The following USHBP1 variants were observed in gnomAD, a reference collection of about 807,000 sequenced individuals.
The protein encoded by USHBP1 is harmonin-binding protein USHBP1.
A neutral mutation model predicts 76.2 loss-of-function variants in USHBP1; 67 were observed. The ratio of observed to expected loss-of-function variants is 0.88; its 90% CI spans 0.72 to 1.08. USHBP1 has a LOEUF of 1.08. USHBP1 is among the 50% of genes least tolerant of loss of function. The pLI is 0.00. For missense variants in USHBP1, 931 were observed against 915.0 expected (o/e 1.02, Z -0.23); for synonymous variants, 322 against 362.2 (o/e 0.89, Z 1.26).
Position 17,263,886 on chromosome 19 carries a change from T to C in USHBP1, c.203+116A>G, listed in dbSNP as rs1012867104. On this transcript the variant is annotated intron_variant, in intron 3 of 12. Transcript: ENST00000252597. ...ACTCAAAAAAAAAAGAAAGTCAGGC[T>C]GAAGGCAATAGGGAGCTATGGTAGG... 22 of 1,345,750 alleles carry C rather than the reference T, an allele frequency of 1.6e-5. No homozygotes were observed. The African/African-American group carries it at 2.5e-4, about 15-fold the overall frequency. 83.4% of individuals were successfully genotyped at this position (1,345,750 alleles called of 1,614,324 possible).
In USHBP1 at chr19:17,258,202, A is replaced by G. The variant is rs369579707; in HGVS notation, c.1220+10T>C. 1.8e-5 allele frequency: 29 copies of G among 1,612,980 alleles called. No individual in the cohort carries two copies. In the African/African-American group the frequency reaches 3.6e-4, roughly 20 times the overall value. The stretch of plus-strand genomic sequence containing the variant: ...CAACCAGGCCAGTTCCCAGGGTTCC[A>G]GGGGGGTACCTTGGCTGTGGATTCT... On this transcript the variant is annotated intron_variant, in intron 8 of 12. Coordinates refer to ENST00000252597, the MANE Select transcript of USHBP1 (RefSeq NM_031941.4).
intron 10 of USHBP1, among the ~76,000 whole-genome samples, chr19:17,254,221 C>T (rs1373105804): frequency 2.0e-5 from 3 of 152,078 alleles, no homozygotes; most frequent in African/African-American, 7.2e-5. Flanking sequence ...GTGGCGGGCG[C>T]CTGTAGTCCC....
chr19:17,255,926 G>A (rs546876816), intron 9 of USHBP1, among the ~76,000 whole-genome samples: 2 of 152,212 alleles, frequency 1.3e-5, no homozygotes, highest in South Asian at 2.1e-4. Flanking sequence ...ACTTGAACCC[G>A]GCAGTGGGGC....
At chr19:17,253,894 CAA>C (rs755318665) in intron 10 of USHBP1, among the ~76,000 whole-genome samples, 19 of 87,238 alleles carry the variant, frequency 2.2e-4, no homozygotes, top group Admixed American at 2.5e-4. Context: ...ATCCGTTTCC[CAA>C]AAAAAAAAAA....
At chr19:17,253,344 A>G (rs1306092602) in intron 10 of USHBP1, among the ~76,000 whole-genome samples, 2 of 146,636 alleles carry the variant, frequency 1.4e-5, no homozygotes, top group Non-Finnish European at 3.0e-5. Context: ...GCTGGAGTGC[A>G]GTGGCGCAAT....
Position 17,264,335 on chromosome 19 carries a change from CCTT to C in USHBP1, c.-39_-37del, listed in dbSNP as rs1199856211. ...AAGCCAGTGCCCTCTGAATGCTTCT[CCTT>C]CGTCAACCCCTAAAACCACAGCCTG... On this transcript the variant is annotated 5_prime_UTR_variant, in exon 2 of 13. Coordinates refer to ENST00000252597, the MANE Select transcript of USHBP1 (RefSeq NM_031941.4). 6 of 1,581,864 alleles carry C rather than the reference CCTT, an allele frequency of 3.8e-6. No homozygotes were observed. Among genetic ancestry groups the C allele is most frequent in the Admixed American group, 3.6e-5 (2 of 55,496 alleles).
chr19:17,254,605 A>G (rs1045369663), intron 10 of USHBP1, among the ~76,000 whole-genome samples: 1 of 151,252 alleles, frequency 6.6e-6, no homozygotes, highest in Non-Finnish European at 1.5e-5. Context: ...GTGGTAAGCC[A>G]AGATCGGGCC....
chr19:17,259,040 C>T (rs2073656114), intron 7 of USHBP1, among the ~76,000 whole-genome samples: 2 of 152,032 alleles, frequency 1.3e-5, no homozygotes, highest in South Asian at 4.1e-4. Flanking sequence ...TGGCATACAC[C>T]TGTAATCCCA....
chr19:17,250,296 C>T lies in USHBP1; in HGVS notation c.2041G>A (p.Ala681Thr), dbSNP rs1480280190. The change falls in exon 13 of 13, where the codon GCC becomes ACC. Residue 681 changes from alanine to threonine, a missense_variant. Coordinates refer to ENST00000252597, the MANE Select transcript of USHBP1 (RefSeq NM_031941.4). ...QQAEEVAVLE[A>T]TARALGKPRP... ...GGCTTCCCCAGGGCCCTTGCAGTGGCTTCGAGCACCGCCACCTCCTCGGCC... is the reference window on the plus strand; with the variant it reads ...GGCTTCCCCAGGGCCCTTGCAGTGGTTTCGAGCACCGCCACCTCCTCGGCC... 1.2e-6 allele frequency: 2 copies of T among 1,613,684 alleles called. No homozygotes were observed.
intron 1 of USHBP1, 140 bp downstream of exon 1, chr19:17,264,531 G>C (rs959763205): frequency 5.4e-6 from 3 of 555,082 alleles, no homozygotes; most frequent in South Asian, 2.4e-5. Context: ...AGGTTGTCCT[G>C]ATCTCCCCCT....
chr19:17,250,410 G>A lies in USHBP1; in HGVS notation c.1927C>T (p.Leu643=). 1 of 1,612,058 alleles carries A rather than the reference G, an allele frequency of 6.2e-7. No homozygotes were observed. The change falls in exon 13 of 13, where the codon CTG becomes TTG. Residue 643 remains leucine (L), a synonymous_variant. Coordinates refer to ENST00000252597, the MANE Select transcript of USHBP1 (RefSeq NM_031941.4). ...NRDLCKAHSA[L]VLAFRGAHRK... is the part of the protein sequence containing the mutation. ...TGGGCTCCTCGGAAGGCCAGGACCAGGGCGCTGGAAGGGGTGGGTGGCTGG... is the reference window on the plus strand; with the variant it reads ...TGGGCTCCTCGGAAGGCCAGGACCAAGGCGCTGGAAGGGGTGGGTGGCTGG...
intron 4 of USHBP1, among the ~76,000 whole-genome samples, chr19:17,260,789 G>A (rs1246236326): frequency 5.3e-5 from 8 of 152,118 alleles, no homozygotes; most frequent in Non-Finnish European, 1.2e-4. Context: ...GGGCTAAAGA[G>A]ATCTGGTCAC....
chr19:17,263,024 C>T (rs1430462375), intron 3 of USHBP1, 34 bp from the exon 4 acceptor site: 1 of 1,497,254 alleles, frequency 6.7e-7, no homozygotes, highest in East Asian at 2.3e-5. Context: ...TGAGTCACTC[C>T]ATGCTGGGCA....
At chr19:17,251,755 C>A (rs2145577704) in intron 11 of USHBP1, 51 bp from the exon 12 acceptor site, 1 of 1,606,546 alleles carries the variant, frequency 6.2e-7, no homozygotes, top group South Asian at 1.1e-5. Flanking sequence ...GATCCTGTTT[C>A]CCAGGTCTCC....
chr19:17,261,337 CTTT>C (rs34111538), intron 4 of USHBP1, among the ~76,000 whole-genome samples: 2 of 123,900 alleles, frequency 1.6e-5, no homozygotes, highest in Non-Finnish European at 3.2e-5. Context: ...TTCTTTCTTT[CTTT>C]TTTTTTTTTT....
intron 8 of USHBP1, among the ~76,000 whole-genome samples, chr19:17,257,187 ATT>A (rs1172967071): frequency 9.1e-5 from 12 of 131,484 alleles, no homozygotes; most frequent in African/African-American, 8.4e-5. Context: ...CGCCCGGCTA[ATT>A]TTTTTTTTTT....
Position 17,264,063 on chromosome 19 carries a change from T to A in USHBP1, c.142A>T (p.Ser48Cys). Residue 48 changes from serine (S) to cysteine (C), a missense_variant, in exon 3 of 13, where the codon AGC becomes TGC. Coordinates refer to ENST00000252597, the MANE Select transcript of USHBP1 (RefSeq NM_031941.4). ...GGGCCCAGCTGCTCCAGCCCGGAGC[T>A]CACCGGAGGTGGGGCAAAGCTGGGC... ...SKPSFAPPPV[S>C]SGLEQLGPME... 1 of 1,613,576 alleles carries A rather than the reference T, an allele frequency of 6.2e-7. No homozygotes were observed. Among genetic ancestry groups the A allele is most frequent in the Non-Finnish European group, 8.5e-7 (1 of 1,179,788 alleles).
intron 8 of USHBP1, among the ~76,000 whole-genome samples, 200 bp downstream of exon 8, chr19:17,258,012 A>C (rs573737907): frequency 1.6e-4 from 25 of 152,242 alleles, no homozygotes; most frequent in African/African-American, 5.3e-4. Flanking sequence ...AATGTCTGTC[A>C]ACCACCATGC....
intron 8 of USHBP1, among the ~76,000 whole-genome samples, chr19:17,257,731 C>T (rs66694197): frequency 6.6e-6 from 1 of 151,490 alleles, no homozygotes; most frequent in South Asian, 2.1e-4. Flanking sequence ...ACTGCAGCCT[C>T]CACCTCCCAG....
Sources: allele counts gnomAD v4.1 joint callset (sites outside exome capture counted in the v4.1 genomes callset), GRCh38; gene constraint gnomAD v4.1.1; transcripts MANE v1.5; gene names NCBI Gene and HGNC (gene_info 2026-07-23, HGNC 2026-07-21).